The following CORIN variants were observed in gnomAD, a reference collection of about 807,000 sequenced individuals.
CORIN encodes the protein atrial natriuretic peptide-converting enzyme.
In CORIN, 117 loss-of-function variants were observed where a neutral mutation model predicts 125.3. The ratio of observed to expected loss-of-function variants is 0.93; its 90% CI spans 0.80 to 1.09. The LOEUF (loss-of-function observed/expected upper bound fraction) is 1.09, where lower values mean the gene tolerates loss of function less well. Among genes scored for constraint, CORIN ranks in the 50% least tolerant of loss-of-function variants. CORIN has a pLI of 0.00. For missense variants in CORIN, 1,253 were observed against 1,306.7 expected (o/e 0.96, Z 0.63); for synonymous variants, 450 against 466.4 (o/e 0.96, Z 0.45).
intron 14 of CORIN, among the ~76,000 whole-genome samples, chr4:47,643,580 A>C (rs1723330928): frequency 6.6e-6 from 1 of 152,212 alleles, no homozygotes; most frequent in Non-Finnish European, 1.5e-5. Context: ...CTGCATGAGC[A>C]GAGCATGAGG....
intron 19 of CORIN, among the ~76,000 whole-genome samples, chr4:47,622,184 A>C (rs2109551136): frequency 6.6e-6 from 1 of 151,772 alleles, no homozygotes; most frequent in African/African-American, 2.4e-5. Context: ...TGAACTCATC[A>C]TTTTTTATGG....
chr4:47,770,358 A>T (rs1469715253), intron 3 of CORIN, among the ~76,000 whole-genome samples: 2 of 152,166 alleles, frequency 1.3e-5, no homozygotes, highest in African/African-American at 4.8e-5. Context: ...TTAAAAAATG[A>T]AAAAACAGAA....
intron 4 of CORIN, among the ~76,000 whole-genome samples, chr4:47,758,106 G>A (rs942232156): frequency 3.3e-5 from 5 of 151,594 alleles, no homozygotes; most frequent in Admixed American, 2.0e-4. Flanking sequence ...AGTAGAGACG[G>A]GGTTTCACCA....
intron 3 of CORIN, among the ~76,000 whole-genome samples, chr4:47,782,538 T>C (rs1407518559): frequency 6.6e-6 from 1 of 152,160 alleles, no homozygotes; most frequent in East Asian, 1.9e-4. Flanking sequence ...CAATTCCACT[T>C]CTAGGTATAA....
rs146665320 is a variant in CORIN, at chr4:47,605,095, A to C, written c.2541-1427T>G. On this transcript the variant is annotated intron_variant, in intron 19 of 21. Coordinates refer to ENST00000273857, the MANE Select transcript of CORIN (RefSeq NM_006587.4). ...CTACCATTACTCCTTCTCTTCATCCAGGTCTCAACTCAAGCATCATCTGCT... is the reference window on the plus strand; with the variant it reads ...CTACCATTACTCCTTCTCTTCATCCCGGTCTCAACTCAAGCATCATCTGCT... Among the ~76,000 whole-genome samples the C allele has an allele frequency of 2.6e-4, 40 of 152,210 alleles. 1 individual carries two copies. The East Asian group carries it at 4.6e-3, about 18-fold the overall frequency.
chr4:47,781,531 C>A (rs1210498181), intron 3 of CORIN, among the ~76,000 whole-genome samples: 2 of 152,178 alleles, frequency 1.3e-5, no homozygotes, highest in African/African-American at 4.8e-5. Flanking sequence ...CTAAGCTAAG[C>A]TACAATGTTC....
At chr4:47,619,668 A>G (rs1484885314) in intron 19 of CORIN, among the ~76,000 whole-genome samples, 1 of 152,180 alleles carries the variant, frequency 6.6e-6, no homozygotes, top group Non-Finnish European at 1.5e-5. Context: ...CTATTGCAAG[A>G]TTTCTCCTGA....
chr4:47,654,333 C>T (rs1360162010), intron 12 of CORIN, among the ~76,000 whole-genome samples: 3 of 137,964 alleles, frequency 2.2e-5, no homozygotes, highest in African/African-American at 7.8e-5. Context: ...TGAACAGCAT[C>T]CACACAAAAA....
intron 10 of CORIN, among the ~76,000 whole-genome samples, chr4:47,667,595 ACTT>A (rs1301762498): frequency 1.3e-5 from 2 of 152,248 alleles, no homozygotes; most frequent in African/African-American, 2.4e-5. Flanking sequence ...CTCCAGGACT[ACTT>A]CTTAATTGAA....
intron 2 of CORIN, among the ~76,000 whole-genome samples, chr4:47,805,818 T>C (rs1731769580): frequency 6.6e-6 from 1 of 152,166 alleles, no homozygotes; most frequent in South Asian, 2.1e-4. Flanking sequence ...AAGAAAATAA[T>C]AGGGAGGTTT....
chr4:47,805,145 A>AAAT (rs1553919323), intron 2 of CORIN, among the ~76,000 whole-genome samples: 3 of 144,208 alleles, frequency 2.1e-5, no homozygotes, highest in Non-Finnish European at 4.5e-5. Flanking sequence ...CAAAAAAAAA[A>AAAT]AAAAATAATA....
At chr4:47,726,997 A>C (rs1727621604) in intron 5 of CORIN, among the ~76,000 whole-genome samples, 1 of 152,022 alleles carries the variant, frequency 6.6e-6, no homozygotes, top group African/African-American at 2.4e-5. Context: ...TGAAAGAGTA[A>C]TAAACAGATA....
intron 6 of CORIN, among the ~76,000 whole-genome samples, chr4:47,692,283 T>C (rs547820111): frequency 2.6e-5 from 4 of 152,362 alleles, no homozygotes; most frequent in Admixed American, 6.5e-5. Context: ...TGTAATTGTT[T>C]TCTTTTTTTA....
At position 47,622,112 on chromosome 4, in the gene CORIN, T is replaced by C. The variant is rs1346385588; in HGVS notation, c.2540+1459A>G. ...AGAATATGCGGTGTTTGGTTTTTTG[T>C]TCTTGCGATAGTTTACTGAGAATGA... On this transcript the variant is annotated intron_variant, in intron 19 of 21. Coordinates refer to ENST00000273857, the MANE Select transcript of CORIN (RefSeq NM_006587.4). Among the ~76,000 whole-genome samples the C allele has an allele frequency of 3.1e-4, 45 of 146,376 alleles. 1 individual carries two copies. The highest frequency in any genetic ancestry group is 1.1e-3 in the African/African-American group (45 of 39,706).
intron 1 of CORIN, chr4:47,831,556 C>T (rs1008103845): frequency 6.6e-6 from 1 of 152,206 alleles, no homozygotes; most frequent in African/African-American, 2.4e-5. Flanking sequence ...CGCTCATTAG[C>T]AGAACATAAT....
chr4:47,771,583 TCCCTCCTCCCA>T (rs2109886987), intron 3 of CORIN, among the ~76,000 whole-genome samples: 1 of 152,250 alleles, frequency 6.6e-6, no homozygotes, highest in East Asian at 1.9e-4. Context: ...CCTGATTCTT[TCCCTCCTCCCA>T]CCCTCCACCC....
chr4:47,641,264 T>C (rs1163746994), intron 16 of CORIN, among the ~76,000 whole-genome samples: 1 of 152,216 alleles, frequency 6.6e-6, no homozygotes, highest in East Asian at 1.9e-4. Context: ...CTCTAATTTC[T>C]ACATTTCCCC....
intron 19 of CORIN, among the ~76,000 whole-genome samples, chr4:47,606,921 T>C (rs189216911): frequency 9.8e-5 from 15 of 152,344 alleles, no homozygotes; most frequent in Admixed American, 8.5e-4. Context: ...TAATAGCTTC[T>C]TGCCCTTGAA....
At chr4:47,631,078 TA>T (rs991674508) in intron 16 of CORIN, among the ~76,000 whole-genome samples, 2 of 152,144 alleles carry the variant, frequency 1.3e-5, no homozygotes, top group African/African-American at 2.4e-5. Context: ...ATTGACAAGT[TA>T]TACCAGTTAA....
Sources: allele counts gnomAD v4.1 joint callset (sites outside exome capture counted in the v4.1 genomes callset), GRCh38; gene constraint gnomAD v4.1.1; transcripts MANE v1.5; gene names NCBI Gene and HGNC (gene_info 2026-07-23, HGNC 2026-07-21).